Variants in NOP9 observed in about 807,000 individuals in gnomAD.
The protein encoded by NOP9 is nucleolar protein 9.
NOP9 carries 50 observed loss-of-function variants against 63.0 expected under a neutral mutation model. The observed-to-expected ratio is 0.79, with a 90% CI of 0.63 to 1.00. NOP9 has a LOEUF of 1.00. NOP9 is among the 50% of genes least tolerant of loss of function. The pLI is 0.00. For synonymous variants in NOP9, 343 were observed against 332.8 expected (o/e 1.03, Z -0.33); for missense variants, 758 against 803.0 (o/e 0.94, Z 0.68).
the NOP9 span, among the ~76,000 whole-genome samples, chr14:24,289,612 C>T: frequency 6.6e-6 from 1 of 152,210 alleles, no homozygotes; most frequent in Non-Finnish European, 1.5e-5. Context: ...TCTGCTGCCA[C>T]AGCAAATGGT....
Position 24,306,205 on chromosome 14 carries a change from C to T in NOP9, c.*1110C>T. The T allele has an allele frequency of 1.0e-5, 16 of 1,551,856 alleles. No homozygotes were observed. The highest frequency in any genetic ancestry group is 1.3e-5 in the Non-Finnish European group (15 of 1,133,154). On this transcript the variant is annotated 3_prime_UTR_variant, in exon 10 of 10. Coordinates refer to ENST00000267425, the MANE Select transcript of NOP9 (RefSeq NM_174913.3). ...CACCCACCACTAATCTCCATCAGCA[C>T]TGGGTCAGACCCTCCCTCGCTTGGA...
rs954008042 is a variant in NOP9 at position 24,305,657 on chromosome 14, C to G, written c.*562C>G. On this transcript the variant is annotated 3_prime_UTR_variant, in exon 10 of 10. Transcript: ENST00000267425. The stretch of plus-strand genomic sequence containing the variant: ...CTTAGTAGGAATGGAGGCGGCCCTT[C>G]TGCTGCCACTGCTCAGCCCCCTCCA... The G allele has an allele frequency of 1.9e-6, 3 of 1,613,988 alleles. No homozygotes were observed. Among genetic ancestry groups the G allele is most frequent in the Non-Finnish European group, 1.7e-6 (2 of 1,179,922 alleles).
the NOP9 span, among the ~76,000 whole-genome samples, chr14:24,278,464 A>G: frequency 6.6e-6 from 1 of 152,130 alleles, no homozygotes; most frequent in Non-Finnish European, 1.5e-5. Context: ...CACAGATGCC[A>G]CTCTCATAAT....
At chr14:24,271,824 C>T in the NOP9 span, 1 of 152,186 alleles carries the variant, frequency 6.6e-6, no homozygotes, top group Non-Finnish European at 1.5e-5. Flanking sequence ...CGGAAACCCG[C>T]ACCTTCACTA....
chr14:24,306,176 C>G lies in NOP9; in HGVS notation c.*1081C>G. 1 of 1,591,968 alleles carries G rather than the reference C, an allele frequency of 6.3e-7. No individual in the cohort carries two copies. Among genetic ancestry groups the G allele is most frequent in the South Asian group, 1.1e-5 (1 of 89,190 alleles). On this transcript the variant is annotated 3_prime_UTR_variant, in exon 10 of 10. Coordinates refer to ENST00000267425, the MANE Select transcript of NOP9 (RefSeq NM_174913.3). ...TTGTCAGTGCAGTAGATCCTCATAC[C>G]AGACACCCACCACTAATCTCCATCA...
chr14:24,274,454 C>G, the NOP9 span, among the ~76,000 whole-genome samples: 2 of 152,086 alleles, frequency 1.3e-5, no homozygotes, highest in African/African-American at 4.8e-5. Flanking sequence ...ACTTAGCTGG[C>G]TGGCACAGAG....
Position 24,307,065 on chromosome 14 carries a change from C to T in NOP9, c.*1970C>T. 3.3e-6 allele frequency: 1 copy of T among 303,252 alleles called. No homozygotes were observed. Among genetic ancestry groups the T allele is most frequent in the Non-Finnish European group, 6.2e-6 (1 of 162,086 alleles). The allele number at this position is 303,252 out of a possible 1,614,324, so 18.8% of individuals were successfully genotyped here. On this transcript the variant is annotated 3_prime_UTR_variant, in exon 10 of 10. Transcript: ENST00000267425. ...GAACAACTTCCCAAGGTTTGACAGG[C>T]AGGAAGTGGCAGAATCAGAATTTGA...
chr14:24,277,616 G>A, the NOP9 span, among the ~76,000 whole-genome samples: 4 of 152,238 alleles, frequency 2.6e-5, no homozygotes, highest in Non-Finnish European at 5.9e-5. Flanking sequence ...GCAAGAAACT[G>A]AAGCTCTGCC....
chr14:24,291,141 T>C, the NOP9 span: 3 of 1,614,046 alleles, frequency 1.9e-6, no homozygotes, highest in Non-Finnish European at 2.5e-6. Context: ...GTCCTCACCG[T>C]CCACATCCCG....
At chr14:24,289,510 C>G in the NOP9 span, among the ~76,000 whole-genome samples, 1 of 152,206 alleles carries the variant, frequency 6.6e-6, no homozygotes, top group East Asian at 1.9e-4. Context: ...AGGCAACTGC[C>G]TGTGCTCCTC....
the NOP9 span, among the ~76,000 whole-genome samples, chr14:24,272,564 T>C: frequency 6.6e-6 from 1 of 152,260 alleles, no homozygotes; most frequent in East Asian, 1.9e-4. Flanking sequence ...TCCCTTGTTA[T>C]CAGTCCATCC....
chr14:24,305,605 G>T lies in NOP9; in HGVS notation c.*510G>T. ...GTCTTTGCAGTGGGTCGGTTGGAAT[G>T]ATTCTGGGGGCAGAAGCTCAGAGCC... On this transcript the variant is annotated 3_prime_UTR_variant, in exon 10 of 10. Transcript: ENST00000267425. 6.2e-7 allele frequency: 1 copy of T among 1,600,722 alleles called. No individual in the cohort carries two copies.
At position 24,308,819 on chromosome 14, in the gene NOP9, T is replaced by C. The variant is rs1314544772; in HGVS notation, c.*3724T>C. 6.6e-6 allele frequency: 1 copy of C among 152,188 alleles called. No individual in the cohort carries two copies. The highest frequency in any genetic ancestry group is 1.5e-5 in the Non-Finnish European group (1 of 68,032). 9.4% of individuals were successfully genotyped at this position (152,188 alleles called of 1,614,324 possible). On this transcript the variant is annotated 3_prime_UTR_variant, in exon 10 of 10. Transcript: ENST00000267425. Reference sequence around the variant, plus strand: ...GTAGGGTCCCCCAGCTTCCCCACTTTTTTTCTGTGTCCTGACAAAGAAACA... The same window carrying C: ...GTAGGGTCCCCCAGCTTCCCCACTTCTTTTCTGTGTCCTGACAAAGAAACA...
the NOP9 span, chr14:24,290,998 G>T: frequency 6.2e-7 from 1 of 1,614,042 alleles, no homozygotes; most frequent in South Asian, 1.1e-5. Flanking sequence ...GGGGCGGCCT[G>T]GGAACAACAG....
chr14:24,299,900 A>G lies in NOP9; in HGVS notation c.-55A>G. The G allele has an allele frequency of 1.3e-6, 2 of 1,501,408 alleles. No homozygotes were observed. 93.0% of individuals were successfully genotyped at this position (1,501,408 alleles called of 1,614,324 possible). On this transcript the variant is annotated 5_prime_UTR_variant, in exon 1 of 10. Coordinates refer to ENST00000267425, the MANE Select transcript of NOP9 (RefSeq NM_174913.3). The stretch of plus-strand genomic sequence containing the variant: ...ATAAGGCGCACGCTTGGCGACGTCG[A>G]AGGTCCGTCCGCAGTTAAGGAAGCT...
intron 8 of NOP9, 31 bp from the exon 9 acceptor site, chr14:24,304,462 A>T: frequency 6.4e-7 from 1 of 1,562,156 alleles, no homozygotes; most frequent in Non-Finnish European, 8.7e-7. Flanking sequence ...GGATTTTGCT[A>T]GGGAGACCTA....
Position 24,306,764 on chromosome 14 carries a change from C to A in NOP9, c.*1669C>A. 1.9e-6 allele frequency: 1 copy of A among 537,330 alleles called. No homozygotes were observed. The highest frequency in any genetic ancestry group is 3.3e-6 in the Non-Finnish European group (1 of 299,472). 33.3% of individuals were successfully genotyped at this position (537,330 alleles called of 1,614,324 possible). Reference sequence around the variant, plus strand: ...TGTCATTGGCATCTCCCCTTGCTCCCCTCCAAGTCACTTCTGGTTTGGAAT... The same window carrying A: ...TGTCATTGGCATCTCCCCTTGCTCCACTCCAAGTCACTTCTGGTTTGGAAT... On this transcript the variant is annotated 3_prime_UTR_variant, in exon 10 of 10. Coordinates refer to ENST00000267425, the MANE Select transcript of NOP9 (RefSeq NM_174913.3).
At chr14:24,287,729 A>G in the NOP9 span, among the ~76,000 whole-genome samples, 1 of 152,100 alleles carries the variant, frequency 6.6e-6, no homozygotes. Context: ...CCCATCCTTT[A>G]TGTGTCTGGT....
At chr14:24,298,142 CTCAAACGA>C (rs2041292242), upstream of NOP9, among the ~76,000 whole-genome samples, 1 of 152,120 alleles carries the variant, frequency 6.6e-6, no homozygotes, top group South Asian at 2.1e-4. Context: ...AACTCCTGGG[CTCAAACGA>C]TCCTCCTGCC....
Sources: allele counts gnomAD v4.1 joint callset (sites outside exome capture counted in the v4.1 genomes callset), GRCh38; gene constraint gnomAD v4.1.1; transcripts MANE v1.5; gene names NCBI Gene and HGNC (gene_info 2026-07-23, HGNC 2026-07-21).